Variants in ARHGEF2 observed in about 807,000 individuals in gnomAD.
ARHGEF2 encodes the protein rho guanine nucleotide exchange factor 2.
In ARHGEF2, 22 loss-of-function variants were observed where a neutral mutation model predicts 121.0. The observed-to-expected ratio is 0.18, with a 90% CI of 0.13 to 0.26. The LOEUF is 0.26. Among genes scored for constraint, ARHGEF2 ranks in the 10% least tolerant of loss-of-function variants. The pLI, the probability that ARHGEF2 is intolerant of heterozygous loss-of-function variation, is 1.00. For missense variants in ARHGEF2, 907 were observed against 1,336.0 expected (o/e 0.68, Z 5.01); for synonymous variants, 487 against 530.0 (o/e 0.92, Z 1.11).
chr1:155,966,454 T>C lies in ARHGEF2; in HGVS notation c.302A>G (p.Asn101Ser), dbSNP rs1679388174. Reference sequence around the variant, plus strand: ...AGAAACGGACTGCAAGGCGGTGTTGTTCTTCAGCAGGGCCGCTTTCTGTTG... The same window carrying C: ...AGAAACGGACTGCAAGGCGGTGTTGCTCTTCAGCAGGGCCGCTTTCTGTTG... ...QKQQKAALLKNNTALQSVSLR... is the reference protein window; with the variant it reads ...QKQQKAALLKSNTALQSVSLR... The change falls in exon 4 of 22, where the codon AAC becomes AGC. Residue 101 changes from asparagine (N) to serine (S), a missense_variant. Physicochemically the swap from Asn to Ser is conservative, Grantham distance 46. This residue lies in a region of ARHGEF2 where 475 missense variants were observed against 776.5 expected (regional missense o/e 0.61). Transcript: ENST00000361247. 2 of 1,614,156 alleles carry C rather than the reference T, an allele frequency of 1.2e-6. No homozygotes were observed. Among genetic ancestry groups the C allele is most frequent in the Middle Eastern group, 1.7e-4 (1 of 6,060 alleles).
rs1394587723 is a variant in ARHGEF2, at chr1:155,961,453, T to C, written c.1468+208A>G. 6.6e-6 allele frequency among the ~76,000 whole-genome samples: 1 copy of C among 152,054 alleles called. No individual in the cohort carries two copies. The highest frequency in any genetic ancestry group is 1.5e-5 in the Non-Finnish European group (1 of 68,010). On this transcript the variant is annotated intron_variant, in intron 11 of 21. Transcript: ENST00000361247. This position sits in a 1 kb window ranked among gnomAD's most constrained non-coding sequence, Gnocchi z 4.7. ...CCACGCCCGGCGAATTTTTTGTATT[T>C]TCAGTAGAGACAGGGTTTCACTGTG...
At position 155,961,647 on chromosome 1, in the gene ARHGEF2, C is replaced by G; in HGVS notation, c.1468+14G>C. 1 of 1,600,022 alleles carries G rather than the reference C, an allele frequency of 6.2e-7. No individual in the cohort carries two copies. The highest frequency in any genetic ancestry group is 1.3e-5 in the African/African-American group (1 of 74,860). Reference sequence around the variant, plus strand: ...GACTTTGAATTCCTGCCTAGTCTGCCGAGCAGGTCTGACCTTTGAAGCGCC... The same window carrying G: ...GACTTTGAATTCCTGCCTAGTCTGCGGAGCAGGTCTGACCTTTGAAGCGCC... On this transcript the variant is annotated intron_variant, in intron 11 of 21. Coordinates refer to ENST00000361247, the MANE Select transcript of ARHGEF2 (RefSeq NM_001162383.2). This position sits in a 1 kb window ranked among gnomAD's most constrained non-coding sequence, Gnocchi z 4.7.
At position 155,958,405 on chromosome 1, in the gene ARHGEF2, G is replaced by A; in HGVS notation, c.1469-9C>T. On this transcript the variant is annotated splice_polypyrimidine_tract_variant and intron_variant, in intron 11 of 21. Transcript: ENST00000361247. ...CAGCAGCACTAGCACATCTGGAAGG[G>A]GATGAAGGTGGGAGAACAGTCAGCA... 6.2e-7 allele frequency: 1 copy of A among 1,611,842 alleles called. No individual in the cohort carries two copies. Among genetic ancestry groups the A allele is most frequent in the Non-Finnish European group, 8.5e-7 (1 of 1,178,156 alleles).
At chr1:155,948,111 G>T (rs1390915816) in intron 21 of ARHGEF2, 96 bp from the exon 22 acceptor site, 3 of 960,744 alleles carry the variant, frequency 3.1e-6, no homozygotes, top group African/African-American at 1.7e-5. Context: ...GGCTCAGGGG[G>T]CTCTGGGGCT....
chr1:155,978,667 A>G, upstream of ARHGEF2: 3 of 1,108,892 alleles, frequency 2.7e-6, no homozygotes, highest in Non-Finnish European at 3.4e-6. The surrounding 1 kb of genome is among the most constrained non-coding windows in gnomAD (Gnocchi z 4.1). Context: ...ACGGGACGCC[A>G]GGGTTTGTGT....
At chr1:155,966,773 C>T in intron 3 of ARHGEF2, 47 bp downstream of exon 3, 2 of 1,512,766 alleles carry the variant, frequency 1.3e-6, no homozygotes, top group South Asian at 1.1e-5. Flanking sequence ...GGGTACCGCA[C>T]ACTCACTACC....
chr1:155,955,409 C>G (rs546803106), intron 13 of ARHGEF2, among the ~76,000 whole-genome samples: 1 of 152,006 alleles, frequency 6.6e-6, no homozygotes, highest in Non-Finnish European at 1.5e-5. Context: ...TGAGCCACCG[C>G]GCCCGGCCGA....
At chr1:155,954,578 G>C (rs1408039015) in intron 14 of ARHGEF2, among the ~76,000 whole-genome samples, 1 of 138,928 alleles carries the variant, frequency 7.2e-6, no homozygotes, top group South Asian at 2.4e-4. Flanking sequence ...GTGAGCCACC[G>C]CGCCCGGCCA....
chr1:155,971,450 G>A (rs1012128102), intron 1 of ARHGEF2, among the ~76,000 whole-genome samples: 3 of 151,746 alleles, frequency 2.0e-5, no homozygotes, highest in Non-Finnish European at 2.9e-5. Flanking sequence ...GTAGTGGCAG[G>A]CACCTGTAAT....
intron 1 of ARHGEF2, chr1:155,971,071 CCA>C (rs1680363707): frequency 3.0e-6 from 3 of 986,506 alleles, no homozygotes; most frequent in Non-Finnish European, 3.6e-6. Flanking sequence ...CCTCTCCCGC[CCA>C]CAGCCTCTCC....
chr1:155,974,792 C>T (rs1382703042), intron 1 of ARHGEF2, among the ~76,000 whole-genome samples: 1 of 152,072 alleles, frequency 6.6e-6, no homozygotes, highest in Non-Finnish European at 1.5e-5. Flanking sequence ...TCCTGGAACC[C>T]AGCCTGCCCC....
rs1677843393 is a variant in ARHGEF2, at chr1:155,961,273, T to C, written c.1468+388A>G. Among the ~76,000 whole-genome samples the C allele has an allele frequency of 6.6e-6, 1 of 150,862 alleles. No homozygotes were observed. The highest frequency in any genetic ancestry group is 2.1e-4 in the South Asian group (1 of 4,732). ...ATGGGCTGCATAAAGGGAGGTTGAT[T>C]CTTTTTTTTTTTTTTTTTTGAGATG... is the stretch of plus-strand genomic sequence containing the variant. On this transcript the variant is annotated intron_variant, in intron 11 of 21. Coordinates refer to ENST00000361247, the MANE Select transcript of ARHGEF2 (RefSeq NM_001162383.2). The surrounding 1 kb of genome is among the most constrained non-coding windows in gnomAD (Gnocchi z 4.7).
intron 2 of ARHGEF2, chr1:155,968,681 A>G (rs1679899049): frequency 6.4e-6 from 1 of 155,266 alleles, no homozygotes; most frequent in South Asian, 1.9e-4. Context: ...CCCATAGTCA[A>G]TAGAAAGAAA....
chr1:155,969,345 C>T (rs1483739937), intron 1 of ARHGEF2, 45 bp from the exon 2 acceptor site: 1 of 1,609,530 alleles, frequency 6.2e-7, no homozygotes, highest in Non-Finnish European at 8.5e-7. Context: ...TGGAAAATGC[C>T]AGGGTGCCTG....
intron 1 of ARHGEF2, among the ~76,000 whole-genome samples, chr1:155,976,588 C>T (rs1033499700): frequency 6.6e-6 from 1 of 151,086 alleles, no homozygotes; most frequent in Non-Finnish European, 1.5e-5. Flanking sequence ...GAAAAGGGAT[C>T]CCAGTAGCTA....
chr1:155,964,662 G>A (rs1456517947), intron 7 of ARHGEF2, among the ~76,000 whole-genome samples: 1 of 151,970 alleles, frequency 6.6e-6, no homozygotes, highest in Non-Finnish European at 1.5e-5. Flanking sequence ...GCTCACGCCT[G>A]TAATCCCAGC....
At position 155,962,120 on chromosome 1, in the gene ARHGEF2, G is replaced by A. The variant is rs768603143; in HGVS notation, c.1204C>T (p.Leu402=). Residue 402 remains leucine (L), a synonymous_variant, in exon 10 of 22, where the codon CTG becomes TTG. Coordinates refer to ENST00000361247, the MANE Select transcript of ARHGEF2 (RefSeq NM_001162383.2). This position sits in a 1 kb window ranked among gnomAD's most constrained non-coding sequence, Gnocchi z 5.8. ...GCCTACTCACCGTGGGAATGCTGCAGGATGCGGCTGATGAGTAACGGGTAC... is the reference window on the plus strand; with the variant it reads ...GCCTACTCACCGTGGGAATGCTGCAAGATGCGGCTGATGAGTAACGGGTAC... ...TKYPLLISRI[L]QHSHGIEEER... is the part of the protein sequence containing the mutation. 3.1e-6 allele frequency: 5 copies of A among 1,614,100 alleles called. No homozygotes were observed. The highest frequency in any genetic ancestry group is 3.3e-5 in the Admixed American group (2 of 60,018).
chr1:155,953,616 C>G (rs957913843), intron 14 of ARHGEF2, among the ~76,000 whole-genome samples: 1 of 151,892 alleles, frequency 6.6e-6, no homozygotes, highest in Admixed American at 6.6e-5. Context: ...GTGGTGGATG[C>G]CTGTAATCCC....
intron 3 of ARHGEF2, 23 bp from the exon 4 acceptor site, chr1:155,966,502 G>A (rs571105448): frequency 1.9e-6 from 3 of 1,613,790 alleles, no homozygotes; most frequent in African/African-American, 1.3e-5. Flanking sequence ...GAGCAGGAGA[G>A]AGATACCAAG....
Sources: gnomAD v4.1 joint callset for allele counts (sites outside exome capture counted in the v4.1 genomes callset) on GRCh38, gnomAD v4.1.1 for gene constraint, gnomAD v4.1.1 regional missense constraint, Gnocchi (gnomAD v3.1) non-coding constraint, MANE v1.5 for transcripts, NCBI Gene and HGNC (gene_info 2026-07-23, HGNC 2026-07-21) for gene names.